Variants in ZNF329 observed in about 807,000 individuals in gnomAD.
ZNF329 encodes the protein zinc finger protein 329.
ZNF329 carries 15 observed loss-of-function variants against 26.6 expected under a neutral mutation model. The observed-to-expected ratio is 0.56, with a 90% CI of 0.38 to 0.87. The LOEUF (loss-of-function observed/expected upper bound fraction) is 0.87, where lower values mean the gene tolerates loss of function less well. Ranked by LOEUF, ZNF329 falls within the 40% of genes least tolerant of loss-of-function variation. ZNF329 has a pLI of 0.00. For synonymous variants in ZNF329, 239 were observed against 233.5 expected (o/e 1.02, Z -0.21); for missense variants, 651 against 651.9 (o/e 1.00, Z 0.02).
chr19:58,146,000 GA>G (rs36035684), intron 1 of ZNF329, among the ~76,000 whole-genome samples: 2,191 of 123,072 alleles, frequency 0.018, 38 homozygotes, highest in African/African-American at 0.05. Context: ...TCAATTTCAT[GA>G]AAAAAAAAAA....
chr19:58,140,305 A>G (rs889787527), intron 3 of ZNF329, among the ~76,000 whole-genome samples: 3 of 152,224 alleles, frequency 2.0e-5, no homozygotes, highest in African/African-American at 7.2e-5. Flanking sequence ...TAATATTACC[A>G]GTAAATTTAG....
At chr19:58,133,921 G>T (rs766010376) in intron 3 of ZNF329, among the ~76,000 whole-genome samples, 10 of 152,134 alleles carry the variant, frequency 6.6e-5, no homozygotes, top group Non-Finnish European at 1.0e-4. Context: ...GAATTAATGG[G>T]ATAGACTAAT....
rs745662536 is a variant in ZNF329, at chr19:58,135,618, A to G, written c.-8-6107T>C. ...AGAAATGAAAACGCAGAAGAATGGA[A>G]AAGAGTTATGCAGGACAGAATGTAG... On this transcript the variant is annotated intron_variant, in intron 3 of 3. Coordinates refer to ENST00000598312, the MANE Select transcript of ZNF329 (RefSeq NM_024620.4). Among the ~76,000 whole-genome samples the G allele has an allele frequency of 2.0e-5, 3 of 152,192 alleles. 1 individual carries two copies. Among genetic ancestry groups the G allele is most frequent in the Admixed American group, 1.3e-4 (2 of 15,264 alleles).
chr19:58,129,121 C>T lies in ZNF329; in HGVS notation c.383G>A (p.Gly128Asp). The T allele has an allele frequency of 6.2e-7, 1 of 1,614,004 alleles. No homozygotes were observed. Among genetic ancestry groups the T allele is most frequent in the South Asian group, 1.1e-5 (1 of 91,082 alleles). The change falls in exon 4 of 4, where the codon GGC becomes GAC. Residue 128 changes from glycine (G) to aspartate (D), a missense_variant. Physicochemically the swap from Gly to Asp is moderately conservative, Grantham distance 94. Transcript: ENST00000598312. Reference sequence around the variant, plus strand: ...AATAACTTCCATGGAATGGTTGAAGCCTTTTCCACAGGCATCACTGTCACC... The same window carrying T: ...AATAACTTCCATGGAATGGTTGAAGTCTTTTCCACAGGCATCACTGTCACC... ...RTGDSDACGK[G>D]FNHSMEVIHG... is the part of the protein sequence containing the mutation.
At chr19:58,144,172 ATTTTT>A (rs1210902793) in intron 1 of ZNF329, among the ~76,000 whole-genome samples, 2 of 151,818 alleles carry the variant, frequency 1.3e-5, no homozygotes, top group Non-Finnish European at 2.9e-5. Context: ...TGTTGTTGTT[ATTTTT>A]TATTTTTTTA....
At position 58,128,988 on chromosome 19, in the gene ZNF329, C is replaced by G; in HGVS notation, c.516G>C (p.Lys172Asn). The G allele has an allele frequency of 6.2e-7, 1 of 1,612,894 alleles. No individual in the cohort carries two copies. The highest frequency in any genetic ancestry group is 8.5e-7 in the Non-Finnish European group (1 of 1,179,350). The change falls in exon 4 of 4, where the codon AAG (lysine) becomes AAC (asparagine). Residue 172 changes from lysine (K) to asparagine (N), a missense_variant. Physicochemically the swap from Lys to Asn is moderately conservative, Grantham distance 94. Transcript: ENST00000598312. ...LGHQKIMKRG[K>N]KSYEGKNFEN... ...CAAAATTCTTACCTTCATACGATTT[C>G]TTGCCTCTTTTCATTATTTTCTGAT...
intron 3 of ZNF329, chr19:58,136,684 CAAAAAAAAAA>C (rs56293356): frequency 0.32 from 28,818 of 89,516 alleles, 3,377 homozygotes; most frequent in Middle Eastern, 0.37. Flanking sequence ...AGACTGTCTC[CAAAAAAAAAA>C]AAAAAAAAAA....
At chr19:58,135,053 A>G (rs1268727818) in intron 3 of ZNF329, among the ~76,000 whole-genome samples, 1 of 152,154 alleles carries the variant, frequency 6.6e-6, no homozygotes, top group Non-Finnish European at 1.5e-5. Flanking sequence ...CTGTTTTTTG[A>G]GGTTTTTTTT....
Position 58,127,838 on chromosome 19 carries a change from G to A in ZNF329, c.*40C>T, listed in dbSNP as rs376403611. ...TCTAAGACACGCCTCCTAAACACAG[G>A]AGTGAGAGTGAACTGGAAGACTCAT... On this transcript the variant is annotated 3_prime_UTR_variant, in exon 4 of 4. Coordinates refer to ENST00000598312, the MANE Select transcript of ZNF329 (RefSeq NM_024620.4). 4.0e-4 allele frequency: 618 copies of A among 1,532,804 alleles called. No homozygotes were observed. Among genetic ancestry groups the A allele is most frequent in the Non-Finnish European group, 5.1e-4 (582 of 1,136,000 alleles). The allele number at this position is 1,532,804 out of a possible 1,614,324, so 95.0% of individuals were successfully genotyped here.
At chr19:58,134,699 G>A (rs1412376394) in intron 3 of ZNF329, among the ~76,000 whole-genome samples, 1 of 152,196 alleles carries the variant, frequency 6.6e-6, no homozygotes, top group African/African-American at 2.4e-5. Flanking sequence ...ACTTTGGTAG[G>A]CTGAGGCAGG....
rs754175822 is a variant in ZNF329, at chr19:58,128,854, G to A, written c.650C>T (p.Ser217Phe). Residue 217 changes from serine (S) to phenylalanine (F), a missense_variant, in exon 4 of 4, where the codon TCT becomes TTT. Ser to Phe is a radical substitution (Grantham distance 155). Transcript: ENST00000598312. Reference protein sequence around the residue: ...ECGKCFKRNSSLVLHHRTHTG... With the variant: ...ECGKCFKRNSFLVLHHRTHTG... ...GTGAGTTCGGTGATGCAAAACAAGA[G>A]AAGAGTTCCGTTTGAAGCATTTGCC... 3 of 1,612,338 alleles carry A rather than the reference G, an allele frequency of 1.9e-6. No homozygotes were observed. The highest frequency in any genetic ancestry group is 2.2e-5 in the East Asian group (1 of 44,874).
intron 1 of ZNF329, among the ~76,000 whole-genome samples, chr19:58,148,153 C>T (rs367828081): frequency 1.3e-5 from 2 of 151,786 alleles, no homozygotes; most frequent in African/African-American, 2.4e-5. Context: ...GGATTAAGGG[C>T]GGTGCAAGAT....
chr19:58,148,794 A>G (rs1001593396), intron 1 of ZNF329, among the ~76,000 whole-genome samples: 8 of 152,236 alleles, frequency 5.3e-5, no homozygotes, highest in Admixed American at 5.2e-4. Flanking sequence ...CCAGTAACTC[A>G]GCCAAAAAAA....
Position 58,129,520 on chromosome 19 carries a change from A to C in ZNF329, c.-8-9T>G. On this transcript the variant is annotated splice_polypyrimidine_tract_variant and intron_variant, in intron 3 of 3. Transcript: ENST00000598312. ...CAATCTCATATCCCAAACTGCAAAA[A>C]GAAGAAAAATGCAGACTTAGGTATA... 6.4e-7 allele frequency: 1 copy of C among 1,565,016 alleles called. No individual in the cohort carries two copies. Among genetic ancestry groups the C allele is most frequent in the Non-Finnish European group, 8.6e-7 (1 of 1,157,550 alleles).
At chr19:58,133,307 TGG>T (rs1333449271) in intron 3 of ZNF329, among the ~76,000 whole-genome samples, 3 of 152,196 alleles carry the variant, frequency 2.0e-5, no homozygotes, top group African/African-American at 7.2e-5. Context: ...TTTCAGAGGC[TGG>T]ATGTGGTGGC....
intron 1 of ZNF329, among the ~76,000 whole-genome samples, chr19:58,146,945 G>A (rs1346253131): frequency 2.0e-5 from 3 of 152,154 alleles, no homozygotes; most frequent in Admixed American, 6.5e-5. Flanking sequence ...CCAAAGTGCC[G>A]AGAGTGCAGC....
intron 3 of ZNF329, among the ~76,000 whole-genome samples, chr19:58,130,262 G>A (rs1448105377): frequency 6.6e-6 from 1 of 151,894 alleles, no homozygotes; most frequent in African/African-American, 2.4e-5. Context: ...GGCAGAGGTT[G>A]CAGTGAGCTG....
At chr19:58,132,628 C>A (rs1212317290) in intron 3 of ZNF329, 1 of 130,650 alleles carries the variant, frequency 7.7e-6, no homozygotes, top group South Asian at 2.6e-4. Flanking sequence ...TGCAGTGAGA[C>A]AAGATTATAC....
intron 3 of ZNF329, among the ~76,000 whole-genome samples, chr19:58,137,464 G>A (rs745840089): frequency 6.6e-6 from 1 of 151,952 alleles, no homozygotes; most frequent in East Asian, 1.9e-4. Context: ...TGAGACAGGA[G>A]AATCACTTGA....
Sources: allele counts gnomAD v4.1 joint callset (sites outside exome capture counted in the v4.1 genomes callset), GRCh38; gene constraint gnomAD v4.1.1; transcripts MANE v1.5; gene names NCBI Gene and HGNC (gene_info 2026-07-23, HGNC 2026-07-21).